Variants in DPY19L1 observed in about 807,000 individuals in gnomAD.
DPY19L1 encodes the protein dpy-19 like C-mannosyltransferase 1, also known as protein C-mannosyl-transferase DPY19L1.
A neutral mutation model predicts 96.9 loss-of-function variants in DPY19L1; 35 were observed. The ratio of observed to expected loss-of-function variants is 0.36; its 90% CI spans 0.28 to 0.48. DPY19L1 has a LOEUF of 0.48. DPY19L1 is among the 20% of genes least tolerant of loss of function. The pLI, the probability that DPY19L1 is intolerant of heterozygous loss-of-function variation, is 0.99. For synonymous variants in DPY19L1, 205 were observed against 252.6 expected (o/e 0.81, Z 1.79); for missense variants, 521 against 777.9 (o/e 0.67, Z 3.93).
intron 8 of DPY19L1, among the ~76,000 whole-genome samples, chr7:34,970,382 A>G (rs1407796895): frequency 6.6e-6 from 1 of 152,200 alleles, no homozygotes; most frequent in African/African-American, 2.4e-5. Context: ...TAAACTCCAG[A>G]TAACCTTTTA....
chr7:34,981,733 G>A (rs1349056948), intron 7 of DPY19L1, among the ~76,000 whole-genome samples: 6 of 152,022 alleles, frequency 3.9e-5, no homozygotes, highest in East Asian at 3.9e-4. Context: ...GGCAGATCAC[G>A]TGAGGCCAGG....
intron 6 of DPY19L1, among the ~76,000 whole-genome samples, chr7:34,991,654 T>C (rs1284364844): frequency 2.6e-5 from 4 of 152,112 alleles, no homozygotes; most frequent in Admixed American, 1.3e-4. Flanking sequence ...ACAAAAAATA[T>C]AGAAGTTTAT....
chr7:34,978,916 C>T (rs187383441), intron 7 of DPY19L1, among the ~76,000 whole-genome samples: 1 of 152,186 alleles, frequency 6.6e-6, no homozygotes, highest in African/African-American at 2.4e-5. Flanking sequence ...TATGCACAGC[C>T]TGTACTGATA....
chr7:34,959,927 A>ATAAATATATATATT (rs1784465544), intron 10 of DPY19L1, among the ~76,000 whole-genome samples: 10 of 27,398 alleles, frequency 3.6e-4, no homozygotes, highest in African/African-American at 3.1e-3. Flanking sequence ...ATATATATTT[A>ATAAATATATATATT]TATATATATA....
rs774859901 is a variant in DPY19L1 at position 34,940,144 on chromosome 7, T to C, written c.1864+9A>G. 2 of 1,468,382 alleles carry C rather than the reference T, an allele frequency of 1.4e-6. No homozygotes were observed. Among genetic ancestry groups the C allele is most frequent in the Non-Finnish European group, 1.8e-6 (2 of 1,116,504 alleles). The allele number at this position is 1,468,382 out of a possible 1,614,324, so 91.0% of individuals were successfully genotyped here. Reference sequence around the variant, plus strand: ...AATATGACTTTTTTTTTCTTTTTTTTTTTTTTACCTGGTTTAGTACTATAT... The same window carrying C: ...AATATGACTTTTTTTTTCTTTTTTTCTTTTTTACCTGGTTTAGTACTATAT... On this transcript the variant is annotated intron_variant, in intron 19 of 21. Transcript: ENST00000638088.
chr7:35,006,000 C>T (rs1407726103), intron 6 of DPY19L1, among the ~76,000 whole-genome samples: 1 of 151,994 alleles, frequency 6.6e-6, no homozygotes, highest in Non-Finnish European at 1.5e-5. Context: ...GCACTTTTTT[C>T]GATGATTCTC....
chr7:34,935,067 T>A (rs1783838500), intron 21 of DPY19L1, among the ~76,000 whole-genome samples: 1 of 152,238 alleles, frequency 6.6e-6, no homozygotes, highest in Non-Finnish European at 1.5e-5. Flanking sequence ...TCTACTCACA[T>A]GGAACACCTA....
chr7:34,949,700 A>G (rs1018773486), intron 14 of DPY19L1, 97 bp downstream of exon 14: 3 of 751,726 alleles, frequency 4.0e-6, no homozygotes, highest in Non-Finnish European at 6.5e-6. Context: ...TCAAACTGAG[A>G]TAACAGCACA....
chr7:34,993,533 T>C (rs1215241991), intron 6 of DPY19L1, among the ~76,000 whole-genome samples: 1 of 152,144 alleles, frequency 6.6e-6, no homozygotes, highest in African/African-American at 2.4e-5. Flanking sequence ...CCAACTACTC[T>C]TATTTTTAAG....
chr7:34,940,206 C>G lies in DPY19L1; in HGVS notation c.1811G>C (p.Ser604Thr). The G allele has an allele frequency of 6.2e-7, 1 of 1,605,674 alleles. No homozygotes were observed. Among genetic ancestry groups the G allele is most frequent in the Non-Finnish European group, 8.5e-7 (1 of 1,177,212 alleles). ...TATAAGTTCTTCTTGGGGCAAATTGCTGAACTCCCCTACAATATTCCACTG... is the reference window on the plus strand; with the variant it reads ...TATAAGTTCTTCTTGGGGCAAATTGGTGAACTCCCCTACAATATTCCACTG... ...QTQWNIVGEF[S>T]NLPQEELIEW... is the part of the protein sequence containing the mutation. The change falls in exon 19 of 22, where the codon AGC becomes ACC. Residue 604 changes from serine (S) to threonine (T), a missense_variant. Coordinates refer to ENST00000638088, the MANE Select transcript of DPY19L1 (RefSeq NM_001366673.1).
At chr7:35,035,565 TTC>T (rs1437197975) in intron 1 of DPY19L1, among the ~76,000 whole-genome samples, 2 of 152,234 alleles carry the variant, frequency 1.3e-5, no homozygotes, top group Admixed American at 6.5e-5. Context: ...TGCAACTCCA[TTC>T]TGTCATCAGA....
chr7:34,965,502 T>C (rs1340983888), intron 10 of DPY19L1, among the ~76,000 whole-genome samples: 1 of 152,058 alleles, frequency 6.6e-6, no homozygotes, highest in East Asian at 1.9e-4. Flanking sequence ...ATTCAAAAAG[T>C]CAGAATAGTG....
intron 17 of DPY19L1, among the ~76,000 whole-genome samples, chr7:34,942,174 A>G (rs1281512285): frequency 6.6e-6 from 1 of 152,174 alleles, no homozygotes; most frequent in Non-Finnish European, 1.5e-5. Flanking sequence ...TCAGACCAAG[A>G]AAAGACAGTG....
At chr7:35,022,879 A>AGTGGGGC (rs1786027524) in intron 1 of DPY19L1, among the ~76,000 whole-genome samples, 1 of 152,166 alleles carries the variant, frequency 6.6e-6, no homozygotes, top group African/African-American at 2.4e-5. Context: ...GCCCTCTCGC[A>AGTGGGGC]GTGGGGCACG....
intron 1 of DPY19L1, among the ~76,000 whole-genome samples, chr7:35,033,348 T>C (rs1786307015): frequency 6.6e-6 from 1 of 152,280 alleles, no homozygotes; most frequent in Admixed American, 6.5e-5. Context: ...TGTGCAATTA[T>C]TTTCATTTAT....
At chr7:34,973,111 G>C (rs1448896474) in intron 8 of DPY19L1, among the ~76,000 whole-genome samples, 1 of 152,176 alleles carries the variant, frequency 6.6e-6, no homozygotes. Context: ...TCAGCAGAAA[G>C]GGAGAGAAGT....
At chr7:34,952,837 T>C (rs1293194278) in intron 13 of DPY19L1, among the ~76,000 whole-genome samples, 1 of 152,118 alleles carries the variant, frequency 6.6e-6, no homozygotes, top group Non-Finnish European at 1.5e-5. Context: ...AAAACACTCA[T>C]ATCAGGTTCT....
chr7:34,974,083 C>G (rs1784784496), intron 7 of DPY19L1, among the ~76,000 whole-genome samples: 1 of 152,100 alleles, frequency 6.6e-6, no homozygotes, highest in African/African-American at 2.4e-5. Context: ...GGTTTTACTT[C>G]TTTGCCTAAG....
At chr7:35,027,469 A>G (rs1786151938) in intron 1 of DPY19L1, among the ~76,000 whole-genome samples, 1 of 152,000 alleles carries the variant, frequency 6.6e-6, no homozygotes. Context: ...TGAATTGGAA[A>G]AGAAGGAATG....
Sources: gnomAD v4.1 joint callset for allele counts (sites outside exome capture counted in the v4.1 genomes callset) on GRCh38, gnomAD v4.1.1 for gene constraint, MANE v1.5 for transcripts, NCBI Gene and HGNC (gene_info 2026-07-23, HGNC 2026-07-21) for gene names.